The following APBB1IP variants were observed in gnomAD, a reference collection of about 807,000 sequenced individuals.
APBB1IP encodes amyloid beta A4 precursor protein-binding family B member 1-interacting protein.
Under a neutral mutation model 64.9 loss-of-function variants are expected in APBB1IP, and 27 were observed. The ratio of observed to expected loss-of-function variants is 0.42; its 90% confidence interval spans 0.31 to 0.57. The LOEUF is 0.57. APBB1IP is among the 20% of genes least tolerant of loss of function. The probability of loss-of-function intolerance (pLI) is 0.20; values close to 1 mark genes in which losing one functional copy is unlikely to be tolerated. For missense variants in APBB1IP, 812 were observed against 845.5 expected, an observed-to-expected ratio of 0.96 and a Z score of 0.49; for synonymous variants, 392 against 331.0, an observed-to-expected ratio of 1.18 and a Z score of -2.00.
intron 2 of APBB1IP, among the ~76,000 whole-genome samples, chr10:26,451,731 T>C (rs944644110): frequency 6.6e-6 from 1 of 152,250 alleles, no homozygotes; most frequent in East Asian, 1.9e-4. Flanking sequence ...AATGAAATGC[T>C]TGGATTAAGT....
In APBB1IP at chr10:26,562,354, T is replaced by C. The variant is rs201063855; in HGVS notation, c.1398T>C (p.Asn466=). ...CTAAAACAGGCACCACCCAGCCCAA[T>C]GGACAGATTCCCCAGGCTACACATT... ...TGPKTGTTQP[N]GQIPQATHSV... is the part of the protein sequence containing the mutation. Residue 466 remains asparagine, a synonymous_variant, in exon 14 of 15, where the codon AAT becomes AAC. Transcript: ENST00000376236. 5 of 1,613,798 alleles carry C rather than the reference T, an allele frequency of 3.1e-6. No homozygotes were observed. The highest frequency in any genetic ancestry group is 1.6e-4 in the Middle Eastern group (1 of 6,082).
At position 26,541,593 on chromosome 10, in the gene APBB1IP, T is replaced by C. The variant is rs370958335; in HGVS notation, c.1056T>C (p.Asp352=). 8.1e-6 allele frequency: 13 copies of C among 1,609,424 alleles called. 1 individual carries two copies. Among genetic ancestry groups the C allele is most frequent in the East Asian group, 2.2e-5 (1 of 44,750 alleles). ...TCCCTGTCTTTCAGACATCTCGAGA[T>C]CTGGCGTGTTTTATACAGTTTGAAA... ...VPKGKTKTSR[D]LACFIQFENV... is the part of the protein sequence containing the mutation. Residue 352 remains aspartate (D), a synonymous_variant, in exon 11 of 15, where the codon GAT becomes GAC. Transcript: ENST00000376236.
intron 11 of APBB1IP, among the ~76,000 whole-genome samples, chr10:26,542,943 G>T (rs1270328840): frequency 6.8e-6 from 1 of 148,064 alleles, no homozygotes; most frequent in Non-Finnish European, 1.5e-5. Context: ...ATAGCTTGGG[G>T]CATGGAGCAG....
chr10:26,550,026 G>T (rs569395970), intron 11 of APBB1IP, among the ~76,000 whole-genome samples: 154 of 145,638 alleles, frequency 1.1e-3, no homozygotes, highest in Middle Eastern at 3.6e-3. Flanking sequence ...AGTATTCTTG[G>T]TTTTTTTTTT....
chr10:26,553,579 GC>G (rs1836858985), intron 11 of APBB1IP, among the ~76,000 whole-genome samples: 1 of 152,122 alleles, frequency 6.6e-6, no homozygotes, highest in Admixed American at 6.5e-5. Context: ...AATCACTTGA[GC>G]CCAGGCGTTG....
At chr10:26,544,014 A>G (rs1018117511) in intron 11 of APBB1IP, among the ~76,000 whole-genome samples, 7 of 152,248 alleles carry the variant, frequency 4.6e-5, no homozygotes, top group African/African-American at 1.7e-4. Context: ...TTCTTTGTAG[A>G]TGTGGTATGT....
At chr10:26,558,516 C>T (rs1474021748) in intron 11 of APBB1IP, among the ~76,000 whole-genome samples, 1 of 151,654 alleles carries the variant, frequency 6.6e-6, no homozygotes, top group Non-Finnish European at 1.5e-5. Flanking sequence ...CTTGGTGGTT[C>T]ACGCATGTAA....
chr10:26,562,271 C>A, intron 13 of APBB1IP, 55 bp from the exon 14 acceptor site: 2 of 1,338,734 alleles, frequency 1.5e-6, no homozygotes, highest in Non-Finnish European at 1.1e-6. Flanking sequence ...GATCGACTTT[C>A]AAGAATGTTG....
At chr10:26,553,023 T>A (rs1018418838) in intron 11 of APBB1IP, among the ~76,000 whole-genome samples, 12 of 146,104 alleles carry the variant, frequency 8.2e-5, no homozygotes, top group Admixed American at 2.8e-4. Flanking sequence ...TGTCCTCAAC[T>A]TTTTTTTTCT....
intron 6 of APBB1IP, among the ~76,000 whole-genome samples, chr10:26,510,806 A>G (rs139600091): frequency 5.3e-5 from 8 of 151,944 alleles, no homozygotes; most frequent in African/African-American, 1.7e-4. Context: ...ATGTGCCTGC[A>G]AAACAGCTTA....
chr10:26,531,950 G>A (rs530542143), intron 8 of APBB1IP, among the ~76,000 whole-genome samples: 3 of 152,212 alleles, frequency 2.0e-5, no homozygotes, highest in African/African-American at 7.2e-5. Context: ...TGTCTCTAAA[G>A]AAAAGCCAAC....
intron 8 of APBB1IP, among the ~76,000 whole-genome samples, chr10:26,528,143 T>C (rs1304129035): frequency 6.6e-6 from 1 of 152,188 alleles, no homozygotes; most frequent in Non-Finnish European, 1.5e-5. Flanking sequence ...CCACATTCTT[T>C]TGGTCAAAGC....
chr10:26,493,136 T>C (rs750751737), intron 3 of APBB1IP, among the ~76,000 whole-genome samples: 141 of 152,248 alleles, frequency 9.3e-4, no homozygotes, highest in Non-Finnish European at 1.4e-3. Context: ...AAGAGAAATA[T>C]GGCTCTGTCC....
At chr10:26,539,129 G>A (rs1335921746) in intron 10 of APBB1IP, among the ~76,000 whole-genome samples, 2 of 152,200 alleles carry the variant, frequency 1.3e-5, no homozygotes, top group African/African-American at 4.8e-5. Context: ...AACAGAGGCT[G>A]GCTGGGTGCG....
intron 2 of APBB1IP, among the ~76,000 whole-genome samples, chr10:26,467,893 C>T (rs577287273): frequency 9.2e-4 from 140 of 152,244 alleles, no homozygotes; most frequent in Middle Eastern, 3.4e-3. Context: ...CTCGTAATCG[C>T]TTATGAGATT....
At position 26,523,418 on chromosome 10, in the gene APBB1IP, T is replaced by C. The variant is rs145279480; in HGVS notation, c.813+9758T>C. Among the ~76,000 whole-genome samples, 26 of 152,344 alleles carry C rather than the reference T, an allele frequency of 1.7e-4. 1 individual carries two copies. In the East Asian group the frequency reaches 2.1e-3, roughly 12 times the overall value. On this transcript the variant is annotated intron_variant, in intron 8 of 14. Transcript: ENST00000376236. ...GATGAGTCTTCTTCTTTCTCTGCAC[T>C]GGTGTTTCAAGTTGTCCTTTTGTTT...
chr10:26,518,389 A>G (rs1170953437), intron 8 of APBB1IP, among the ~76,000 whole-genome samples: 2 of 151,904 alleles, frequency 1.3e-5, no homozygotes, highest in African/African-American at 4.8e-5. Flanking sequence ...CTGGGACTAC[A>G]GGCACTCACC....
intron 2 of APBB1IP, among the ~76,000 whole-genome samples, chr10:26,491,887 G>T (rs528898573): frequency 6.7e-6 from 1 of 149,420 alleles, no homozygotes; most frequent in African/African-American, 2.5e-5. Context: ...TCAGCCTCCC[G>T]AGTAGCTGGG....
At chr10:26,442,905 C>T (rs10828995) in intron 2 of APBB1IP, among the ~76,000 whole-genome samples, 59,018 of 151,956 alleles carry the variant, frequency 0.39, 11,650 homozygotes, top group South Asian at 0.49. Flanking sequence ...AACTGGGGAT[C>T]AAAGAACACT....
Sources: gnomAD v4.1 joint callset for allele counts (sites outside exome capture counted in the v4.1 genomes callset) on GRCh38, gnomAD v4.1.1 for gene constraint, MANE v1.5 for transcripts, NCBI Gene and HGNC (gene_info 2026-07-23, HGNC 2026-07-21) for gene names.